The following G3BP1 variants were observed in gnomAD, a reference collection of about 807,000 sequenced individuals.
G3BP1 encodes ras GTPase-activating protein-binding protein 1.
Under a neutral mutation model 58.6 loss-of-function variants are expected in G3BP1, and 35 were observed. The observed-to-expected ratio is 0.60, with a 90% CI of 0.46 to 0.79. The LOEUF (loss-of-function observed/expected upper bound fraction) is 0.79, where lower values mean the gene tolerates loss of function less well. Among genes scored for constraint, G3BP1 ranks in the 30% least tolerant of loss-of-function variants. G3BP1 has a pLI of 0.00. For synonymous variants in G3BP1, 191 were observed against 195.4 expected (o/e 0.98, Z 0.19); for missense variants, 523 against 580.8 (o/e 0.90, Z 1.02).
intron 1 of G3BP1, among the ~76,000 whole-genome samples, chr5:151,773,864 T>A (rs1313658323): frequency 6.6e-6 from 1 of 152,234 alleles, no homozygotes; most frequent in African/African-American, 2.4e-5. Context: ...TGTTTAAGCT[T>A]GAGTCCAGCT....
Position 151,807,461 on chromosome 5 carries a change from T to A in G3BP1, c.*3370T>A, listed in dbSNP as rs1303024193. The stretch of plus-strand genomic sequence containing the variant: ...AGAACAAGGTTAACATTACAGTTCT[T>A]AATTTCCTTTAGGGCAAACAAGATA... On this transcript the variant is annotated 3_prime_UTR_variant, in exon 12 of 12. Transcript: ENST00000356245. 2 of 152,220 alleles carry A rather than the reference T, an allele frequency of 1.3e-5. No homozygotes were observed. Among genetic ancestry groups the A allele is most frequent in the African/African-American group, 4.8e-5 (2 of 41,468 alleles). 9.4% of individuals were successfully genotyped at this position (152,220 alleles called of 1,614,324 possible). A position where few individuals can be genotyped will look rare whatever the true frequency, so the allele number is the denominator to read the frequency against.
intron 1 of G3BP1, among the ~76,000 whole-genome samples, chr5:151,785,244 G>A (rs1367039620): frequency 6.6e-6 from 1 of 152,180 alleles, no homozygotes; most frequent in Non-Finnish European, 1.5e-5. Flanking sequence ...CTCCTAGTAT[G>A]ACTGGGAAGC....
At chr5:151,801,589 T>C (rs1762850297) in intron 11 of G3BP1, among the ~76,000 whole-genome samples, 1 of 152,198 alleles carries the variant, frequency 6.6e-6, no homozygotes, top group Non-Finnish European at 1.5e-5. Flanking sequence ...GAACACATTA[T>C]TGTGCAACCA....
intron 10 of G3BP1, 64 bp downstream of exon 10, chr5:151,800,410 T>A: frequency 1.7e-6 from 2 of 1,203,576 alleles, no homozygotes. Flanking sequence ...CCAGTAGCAA[T>A]AGAAAATGAG....
intron 4 of G3BP1, chr5:151,791,310 G>A (rs1295510742): frequency 1.0e-5 from 3 of 298,654 alleles, no homozygotes; most frequent in Non-Finnish European, 1.9e-5. Context: ...CTGTAGTACA[G>A]TTATCAAATT....
chr5:151,780,512 TC>T (rs1762448372), intron 1 of G3BP1, among the ~76,000 whole-genome samples: 1 of 152,116 alleles, frequency 6.6e-6, no homozygotes, highest in Non-Finnish European at 1.5e-5. Context: ...CATAGTTATT[TC>T]CCCCTCCGCC....
chr5:151,803,258 C>G (rs1031039499), intron 11 of G3BP1, among the ~76,000 whole-genome samples: 1 of 152,182 alleles, frequency 6.6e-6, no homozygotes, highest in Non-Finnish European at 1.5e-5. Flanking sequence ...AGGTTTTATT[C>G]TAAGCCTCCA....
chr5:151,794,485 A>G (rs1561535477), intron 5 of G3BP1, among the ~76,000 whole-genome samples: 2 of 152,188 alleles, frequency 1.3e-5, no homozygotes, highest in African/African-American at 4.8e-5. Flanking sequence ...GAGACAGGCT[A>G]ACTCACAGCG....
intron 1 of G3BP1, among the ~76,000 whole-genome samples, chr5:151,778,184 C>T (rs1050610870): frequency 1.3e-5 from 2 of 152,168 alleles, no homozygotes; most frequent in Non-Finnish European, 2.9e-5. Context: ...CTGTTTTCCA[C>T]AGTGGTTGTA....
intron 4 of G3BP1, among the ~76,000 whole-genome samples, chr5:151,792,440 G>A (rs1762675104): frequency 6.6e-6 from 1 of 152,146 alleles, no homozygotes; most frequent in Non-Finnish European, 1.5e-5. Context: ...TAAAGATGTG[G>A]TAGACTTCTA....
chr5:151,811,458 G>C lies in G3BP1; in HGVS notation c.*7367G>C, dbSNP rs1188999822. Reference sequence around the variant, plus strand: ...GTAATTGGAAGTTCTTGCATATAAAGTTGGTTAAATAGTAATAATTATGAG... The same window carrying C: ...GTAATTGGAAGTTCTTGCATATAAACTTGGTTAAATAGTAATAATTATGAG... On this transcript the variant is annotated 3_prime_UTR_variant, in exon 12 of 12. Coordinates refer to ENST00000356245, the MANE Select transcript of G3BP1 (RefSeq NM_005754.3). The C allele has an allele frequency of 6.6e-6, 1 of 152,184 alleles. No individual in the cohort carries two copies. Among genetic ancestry groups the C allele is most frequent in the Admixed American group, 6.5e-5 (1 of 15,274 alleles). The allele number at this position is 152,184 out of a possible 1,614,324, so 9.4% of individuals were successfully genotyped here.
Position 151,795,577 on chromosome 5 carries a change from T to A in G3BP1, c.539+2T>A. ...TTTCTATGATCAGGCAGTTGTCAGG[T>A]AAGAAGATTTTGTTCACATGTCCGG... On this transcript the variant is annotated splice_donor_variant, in intron 6 of 11. Coordinates refer to ENST00000356245, the MANE Select transcript of G3BP1 (RefSeq NM_005754.3). LOFTEE classifies it high-confidence loss of function. 1 of 1,538,640 alleles carries A rather than the reference T, an allele frequency of 6.5e-7. No homozygotes were observed. Among genetic ancestry groups the A allele is most frequent in the Non-Finnish European group, 9.0e-7 (1 of 1,112,694 alleles).
intron 1 of G3BP1, among the ~76,000 whole-genome samples, chr5:151,785,396 T>A (rs961206769): frequency 3.3e-5 from 5 of 152,224 alleles, no homozygotes; most frequent in African/African-American, 1.2e-4. Flanking sequence ...AATTGCTTGT[T>A]TAGAAATGGA....
At position 151,795,426 on chromosome 5, in the gene G3BP1, T is replaced by C. The variant is rs1762733227; in HGVS notation, c.443-53T>C. ...TTTGTGAACATTGCGAAAGTTAATG[T>C]ATATGTGAATTCAGTAAGTACAAAT... On this transcript the variant is annotated intron_variant, in intron 5 of 11. Transcript: ENST00000356245. 3 of 880,888 alleles carry C rather than the reference T, an allele frequency of 3.4e-6. No homozygotes were observed. The Admixed American group carries it at 6.4e-5, about 19-fold the overall frequency. 54.6% of individuals were successfully genotyped at this position (880,888 alleles called of 1,614,324 possible).
intron 11 of G3BP1, among the ~76,000 whole-genome samples, chr5:151,803,498 C>T (rs924197868): frequency 6.7e-6 from 1 of 148,926 alleles, no homozygotes; most frequent in African/African-American, 2.5e-5. Context: ...TCTGCTGGTT[C>T]TTTTTTTTTT....
chr5:151,774,311 T>G (rs1762328746), intron 1 of G3BP1, among the ~76,000 whole-genome samples: 1 of 152,110 alleles, frequency 6.6e-6, no homozygotes, highest in South Asian at 2.1e-4. Context: ...GTTTGTGACC[T>G]ACTTAGAGCA....
rs1762808635 is a variant in G3BP1 at position 151,799,324 on chromosome 5, A to G, written c.843+11A>G. 2 of 1,352,870 alleles carry G rather than the reference A, an allele frequency of 1.5e-6. No individual in the cohort carries two copies. Among genetic ancestry groups the G allele is most frequent in the South Asian group, 1.2e-5 (1 of 85,620 alleles). The allele number at this position is 1,352,870 out of a possible 1,614,324, so 83.8% of individuals were successfully genotyped here. A position where few individuals can be genotyped will look rare whatever the true frequency, so the allele number is the denominator to read the frequency against. Reference sequence around the variant, plus strand: ...GTACCAGCTTCACAGGTAAGGTCCTAATAAAACTTGTACATTAGGCAAATT... The same window carrying G: ...GTACCAGCTTCACAGGTAAGGTCCTGATAAAACTTGTACATTAGGCAAATT... On this transcript the variant is annotated intron_variant, in intron 8 of 11. Transcript: ENST00000356245.
chr5:151,809,272 T>C lies in G3BP1; in HGVS notation c.*5181T>C, dbSNP rs2113261892. 1 of 152,306 alleles carries C rather than the reference T, an allele frequency of 6.6e-6. No homozygotes were observed. Among genetic ancestry groups the C allele is most frequent in the South Asian group, 2.1e-4 (1 of 4,818 alleles). 9.4% of individuals were successfully genotyped at this position (152,306 alleles called of 1,614,324 possible). A position where few individuals can be genotyped will look rare whatever the true frequency, so the allele number is the denominator to read the frequency against. The stretch of plus-strand genomic sequence containing the variant: ...TGTTCTCCTAAATTTTAAAATTTTG[T>C]TATGAAGATTGGATGTACACTGATT... On this transcript the variant is annotated 3_prime_UTR_variant, in exon 12 of 12. Coordinates refer to ENST00000356245, the MANE Select transcript of G3BP1 (RefSeq NM_005754.3).
At chr5:151,775,119 T>A (rs1220628681) in intron 1 of G3BP1, among the ~76,000 whole-genome samples, 1 of 152,132 alleles carries the variant, frequency 6.6e-6, no homozygotes, top group Non-Finnish European at 1.5e-5. Flanking sequence ...GTAAATAAGG[T>A]CTTTAGGCGA....
Sources: gnomAD v4.1 joint callset for allele counts (sites outside exome capture counted in the v4.1 genomes callset) on GRCh38, gnomAD v4.1.1 for gene constraint, MANE v1.5 for transcripts, NCBI Gene and HGNC (gene_info 2026-07-23, HGNC 2026-07-21) for gene names.